The following SLC24A3 variants were observed in gnomAD, a reference collection of about 807,000 sequenced individuals.
SLC24A3 encodes the protein solute carrier family 24 member 3.
A neutral mutation model predicts 75.8 loss-of-function variants in SLC24A3; 28 were observed. The ratio of observed to expected loss-of-function variants is 0.37; its 90% CI spans 0.27 to 0.51. SLC24A3 has a LOEUF of 0.51. Ranked by LOEUF, SLC24A3 falls within the 20% of genes least tolerant of loss-of-function variation. SLC24A3 has a pLI of 0.94. For missense variants in SLC24A3, 663 were observed against 847.8 expected (o/e 0.78, Z 2.71); for synonymous variants, 372 against 334.1 (o/e 1.11, Z -1.24).
intron 1 of SLC24A3, among the ~76,000 whole-genome samples, chr20:19,261,294 A>G (rs889277532): frequency 3.9e-5 from 6 of 152,082 alleles, no homozygotes; most frequent in African/African-American, 4.8e-5. Context: ...ACCCCCAAGA[A>G]GGGGGATGGG....
chr20:19,348,596 A>G (rs2122321338), intron 2 of SLC24A3, among the ~76,000 whole-genome samples: 1 of 152,148 alleles, frequency 6.6e-6, no homozygotes, highest in African/African-American at 2.4e-5. Context: ...TAACATCCTG[A>G]TAGATCAATA....
chr20:19,652,928 G>C (rs897500674), intron 6 of SLC24A3, among the ~76,000 whole-genome samples: 41 of 152,154 alleles, frequency 2.7e-4, no homozygotes, highest in African/African-American at 9.7e-4. Flanking sequence ...AAGGGCAAAG[G>C]TAGCCAGGCA....
intron 2 of SLC24A3, among the ~76,000 whole-genome samples, chr20:19,415,761 CTCA>C (rs1986817716): frequency 1.3e-5 from 2 of 152,142 alleles, no homozygotes; most frequent in Non-Finnish European, 2.9e-5. Flanking sequence ...AGTGAATTAT[CTCA>C]TCCTATTATA....
chr20:19,396,674 CTT>C (rs1260439979), intron 2 of SLC24A3, among the ~76,000 whole-genome samples: 1 of 152,220 alleles, frequency 6.6e-6, no homozygotes, highest in Non-Finnish European at 1.5e-5. Flanking sequence ...TGTTTTAAGA[CTT>C]TGCTCATAGT....
At chr20:19,702,363 C>T (rs2032884058) in intron 15 of SLC24A3, among the ~76,000 whole-genome samples, 2 of 152,178 alleles carry the variant, frequency 1.3e-5, no homozygotes, top group Non-Finnish European at 2.9e-5. Context: ...ATGTTTTTCA[C>T]CTGAAGATGA....
At chr20:19,239,145 A>G (rs1982260489) in intron 1 of SLC24A3, among the ~76,000 whole-genome samples, 1 of 150,478 alleles carries the variant, frequency 6.6e-6, no homozygotes, top group African/African-American at 2.4e-5. Context: ...AAAACAACAC[A>G]GAGTAAGAAT....
intron 3 of SLC24A3, among the ~76,000 whole-genome samples, chr20:19,532,701 A>G (rs1376284893): frequency 2.0e-5 from 3 of 152,200 alleles, no homozygotes; most frequent in African/African-American, 7.2e-5. Context: ...TGCACCAGAC[A>G]CTGTGCTCGG....
At chr20:19,280,782 C>T (rs1357751239) in intron 1 of SLC24A3, among the ~76,000 whole-genome samples, 177 bp from the exon 2 acceptor site, 1 of 152,172 alleles carries the variant, frequency 6.6e-6, no homozygotes, top group East Asian at 1.9e-4. Flanking sequence ...AGAACATACA[C>T]CTCAAAGTCA....
intron 2 of SLC24A3, among the ~76,000 whole-genome samples, chr20:19,481,170 G>T (rs556907088): frequency 1.3e-5 from 2 of 152,312 alleles, no homozygotes; most frequent in African/African-American, 2.4e-5. Context: ...GGAAGAAATA[G>T]ATAGTATAGG....
intron 2 of SLC24A3, among the ~76,000 whole-genome samples, chr20:19,337,478 T>A (rs779296859): frequency 7.2e-5 from 10 of 139,684 alleles, no homozygotes; most frequent in South Asian, 4.4e-4. Flanking sequence ...ATAAATTAAT[T>A]AATTAATTAA....
At chr20:19,335,908 G>C (rs887410429) in intron 2 of SLC24A3, among the ~76,000 whole-genome samples, 1 of 152,182 alleles carries the variant, frequency 6.6e-6, no homozygotes, top group Non-Finnish European at 1.5e-5. Flanking sequence ...TTTTGCCCAA[G>C]ACAGACATTG....
intron 3 of SLC24A3, among the ~76,000 whole-genome samples, chr20:19,575,254 C>CAA (rs34789411): frequency 2.0e-3 from 144 of 72,566 alleles, no homozygotes; most frequent in Middle Eastern, 7.0e-3. Flanking sequence ...GAGACACTCT[C>CAA]AAAAAAAAAA....
At chr20:19,289,410 G>A (rs1438413725) in intron 2 of SLC24A3, among the ~76,000 whole-genome samples, 1 of 152,168 alleles carries the variant, frequency 6.6e-6, no homozygotes, top group African/African-American at 2.4e-5. Flanking sequence ...CCACAGTAAA[G>A]CAGCCACTTA....
chr20:19,332,694 G>T (rs1315822794), intron 2 of SLC24A3, among the ~76,000 whole-genome samples: 2 of 152,198 alleles, frequency 1.3e-5, no homozygotes, highest in Admixed American at 1.3e-4. Context: ...TGAGGTTTCA[G>T]AAGGGTATTT....
chr20:19,556,576 GAAAAAA>G (rs10591708), intron 3 of SLC24A3, among the ~76,000 whole-genome samples: 1 of 131,024 alleles, frequency 7.6e-6, no homozygotes, highest in South Asian at 2.5e-4. Context: ...GCCAGTGTGT[GAAAAAA>G]AAAAAAAAAA....
chr20:19,447,627 G>A (rs959347869), intron 2 of SLC24A3, among the ~76,000 whole-genome samples: 1 of 152,204 alleles, frequency 6.6e-6, no homozygotes, highest in Admixed American at 6.5e-5. Context: ...ACCATCATTG[G>A]AAGTATTTAG....
chr20:19,473,915 A>G (rs1000857780), intron 2 of SLC24A3, among the ~76,000 whole-genome samples: 2 of 152,204 alleles, frequency 1.3e-5, no homozygotes. Flanking sequence ...TGGGTTTTCT[A>G]ATGAACTTTT....
At chr20:19,263,208 C>T (rs1372783432) in intron 1 of SLC24A3, among the ~76,000 whole-genome samples, 1 of 152,130 alleles carries the variant, frequency 6.6e-6, no homozygotes, top group Non-Finnish European at 1.5e-5. Context: ...GGGTAGCTCA[C>T]AGCATTGAGA....
chr20:19,270,239 G>A (rs1417731660), intron 1 of SLC24A3, among the ~76,000 whole-genome samples: 2 of 152,032 alleles, frequency 1.3e-5, no homozygotes, highest in Non-Finnish European at 2.9e-5. Flanking sequence ...TCAAAGTGGT[G>A]CTTGGACCAG....
Sources: allele counts gnomAD v4.1 joint callset (sites outside exome capture counted in the v4.1 genomes callset), GRCh38; gene constraint gnomAD v4.1.1; transcripts MANE v1.5; gene names NCBI Gene and HGNC (gene_info 2026-07-23, HGNC 2026-07-21).